Variants in CLSTN2 observed in about 807,000 individuals in gnomAD.
The protein encoded by CLSTN2 is calsyntenin 2, also known as calsyntenin-2.
CLSTN2 carries 48 observed loss-of-function variants against 101.2 expected under a neutral mutation model. That is an observed-to-expected ratio of 0.47 (90% CI 0.38 to 0.60). CLSTN2 has a LOEUF of 0.60. Ranked by LOEUF, CLSTN2 falls within the 20% of genes least tolerant of loss-of-function variation. The pLI, the probability that CLSTN2 is intolerant of heterozygous loss-of-function variation, is 0.00. For missense variants in CLSTN2, 1,160 were observed against 1,238.2 expected (o/e 0.94, Z 0.95); for synonymous variants, 481 against 463.6 (o/e 1.04, Z -0.48).
intron 2 of CLSTN2, among the ~76,000 whole-genome samples, chr3:140,345,888 G>A (rs75795079): frequency 6.6e-6 from 1 of 152,118 alleles, no homozygotes; most frequent in African/African-American, 2.4e-5. Flanking sequence ...AAAGCCTTTC[G>A]CTGTGAATGA....
At chr3:140,205,537 G>C (rs1006482017) in intron 2 of CLSTN2, among the ~76,000 whole-genome samples, 4 of 151,704 alleles carry the variant, frequency 2.6e-5, no homozygotes, top group African/African-American at 9.7e-5. Flanking sequence ...ACTGAGGCTG[G>C]AGAGCAGAAA....
chr3:140,418,340 G>A (rs1488734066), intron 4 of CLSTN2, among the ~76,000 whole-genome samples: 5 of 151,886 alleles, frequency 3.3e-5, no homozygotes, highest in African/African-American at 7.3e-5. Context: ...AAGGGATTCC[G>A]AACACCAGCC....
At chr3:140,463,970 C>G (rs1399794764) in intron 7 of CLSTN2, among the ~76,000 whole-genome samples, 1 of 152,124 alleles carries the variant, frequency 6.6e-6, no homozygotes, top group Non-Finnish European at 1.5e-5. Flanking sequence ...GCCGCAAGCA[C>G]AAATGTCCCA....
At chr3:140,328,218 G>A (rs1236648243) in intron 2 of CLSTN2, among the ~76,000 whole-genome samples, 1 of 152,164 alleles carries the variant, frequency 6.6e-6, no homozygotes, top group East Asian at 1.9e-4. Flanking sequence ...ATCTTGCAAA[G>A]TAAATAATGT....
chr3:140,285,130 G>T (rs768447197), intron 2 of CLSTN2, among the ~76,000 whole-genome samples: 4 of 152,096 alleles, frequency 2.6e-5, no homozygotes, highest in African/African-American at 7.2e-5. Context: ...GAACAATTCT[G>T]TCCAGTAGAA....
At chr3:140,560,815 G>A (rs1033582769) in intron 12 of CLSTN2, among the ~76,000 whole-genome samples, 22 of 152,142 alleles carry the variant, frequency 1.4e-4, no homozygotes, top group Non-Finnish European at 2.5e-4. Context: ...ACAAGAAGCC[G>A]GCAAAAAACC....
intron 2 of CLSTN2, among the ~76,000 whole-genome samples, chr3:140,349,363 G>C (rs2087582873): frequency 6.6e-6 from 1 of 152,182 alleles, no homozygotes; most frequent in South Asian, 2.1e-4. Flanking sequence ...ATGAGCATCT[G>C]CTTTGTCACT....
At chr3:140,450,963 C>A (rs12374019) in intron 6 of CLSTN2, among the ~76,000 whole-genome samples, 56,684 of 152,030 alleles carry the variant, frequency 0.37, 12,449 homozygotes, top group Middle Eastern at 0.5. Context: ...ACAGCTCTTG[C>A]AAAAATGGTT....
intron 1 of CLSTN2, among the ~76,000 whole-genome samples, chr3:139,976,058 C>A (rs17397077): frequency 0.046 from 7,068 of 152,282 alleles, 238 homozygotes; most frequent in Non-Finnish European, 0.072. Context: ...GCTACCATAA[C>A]CCCCATGGGC....
intron 1 of CLSTN2, among the ~76,000 whole-genome samples, chr3:140,065,125 T>A (rs1250762230): frequency 6.6e-6 from 1 of 152,210 alleles, no homozygotes; most frequent in Non-Finnish European, 1.5e-5. Context: ...CAGAGAAGAA[T>A]CAAAACAGAC....
intron 8 of CLSTN2, among the ~76,000 whole-genome samples, chr3:140,502,526 T>C (rs1934599936): frequency 6.6e-6 from 1 of 152,236 alleles, no homozygotes; most frequent in Admixed American, 6.5e-5. Flanking sequence ...TTTTGGAAGA[T>C]GAGCTTTTTG....
At chr3:140,065,562 A>G (rs2008285423) in intron 1 of CLSTN2, among the ~76,000 whole-genome samples, 1 of 152,146 alleles carries the variant, frequency 6.6e-6, no homozygotes, top group South Asian at 2.1e-4. Context: ...TTATCCTGAG[A>G]GGAGAAGCCA....
rs1474994663 is a variant in CLSTN2 at position 140,331,822 on chromosome 3, TG to T, written c.233-71806del. Among the ~76,000 whole-genome samples, 7 of 152,380 alleles carry T rather than the reference TG, an allele frequency of 4.6e-5. No homozygotes were observed. In the South Asian group the frequency reaches 1.4e-3, roughly 32 times the overall value. Reference sequence around the variant, plus strand: ...CTCATTCTTCTTCCTGTAAGGTGCTTGTTTGCCAGTGCTTGTTCATTAAGTC... The same window carrying T: ...CTCATTCTTCTTCCTGTAAGGTGCTTTTTGCCAGTGCTTGTTCATTAAGTC... On this transcript the variant is annotated intron_variant, in intron 2 of 16. Coordinates refer to ENST00000458420, the MANE Select transcript of CLSTN2 (RefSeq NM_022131.3).
intron 2 of CLSTN2, among the ~76,000 whole-genome samples, chr3:140,258,152 A>G (rs2107880746): frequency 6.6e-6 from 1 of 152,150 alleles, no homozygotes; most frequent in Admixed American, 6.5e-5. Context: ...TTCTATCTTC[A>G]TAGCTTTTTC....
rs142229370 is a variant in CLSTN2 at position 139,954,335 on chromosome 3, C to T, written c.109+18852C>T. ...TACTGTGTAGTCATTGAACTCTCAGCGCTTGTGTGCAGCACTTAAACTTGT... is the reference window on the plus strand; with the variant it reads ...TACTGTGTAGTCATTGAACTCTCAGTGCTTGTGTGCAGCACTTAAACTTGT... On this transcript the variant is annotated intron_variant, in intron 1 of 16. Coordinates refer to ENST00000458420, the MANE Select transcript of CLSTN2 (RefSeq NM_022131.3). Among the ~76,000 whole-genome samples the T allele has an allele frequency of 2.4e-3, 364 of 152,280 alleles. 2 individuals are homozygous for T. Among genetic ancestry groups the T allele is most frequent in the African/African-American group, 8.1e-3 (337 of 41,558 alleles).
At chr3:140,135,991 G>A (rs1261576573) in intron 1 of CLSTN2, among the ~76,000 whole-genome samples, 1 of 152,154 alleles carries the variant, frequency 6.6e-6, no homozygotes, top group Non-Finnish European at 1.5e-5. Context: ...GACTTAAGAA[G>A]ATTTGAAGAT....
At chr3:140,090,746 C>T (rs966024315) in intron 1 of CLSTN2, among the ~76,000 whole-genome samples, 4 of 151,992 alleles carry the variant, frequency 2.6e-5, no homozygotes, top group Non-Finnish European at 5.9e-5. Flanking sequence ...GTAGGGCAAA[C>T]TTAGGGTGAA....
At chr3:140,415,267 C>T (rs1046422971) in intron 4 of CLSTN2, among the ~76,000 whole-genome samples, 7 of 151,936 alleles carry the variant, frequency 4.6e-5, no homozygotes, top group Non-Finnish European at 8.8e-5. Flanking sequence ...GGCTCCTTGG[C>T]ATTGGTAGTG....
chr3:140,557,527 A>T (rs1473218608), intron 11 of CLSTN2, among the ~76,000 whole-genome samples: 1 of 152,188 alleles, frequency 6.6e-6, no homozygotes. Flanking sequence ...TCCTGCTGAG[A>T]CCAGGCTTCT....
Sources: allele counts gnomAD v4.1 joint callset (sites outside exome capture counted in the v4.1 genomes callset), GRCh38; gene constraint gnomAD v4.1.1; transcripts MANE v1.5; gene names NCBI Gene and HGNC (gene_info 2026-07-23, HGNC 2026-07-21).